Variants in EXOC6 observed in about 807,000 individuals in gnomAD.
EXOC6 encodes SEC15-like 1.
A neutral mutation model predicts 112.5 loss-of-function variants in EXOC6; 60 were observed. The ratio of observed to expected loss-of-function variants is 0.53; its 90% CI spans 0.43 to 0.66. The LOEUF is 0.66. EXOC6 is among the 30% of genes least tolerant of loss of function. The probability of loss-of-function intolerance (pLI) is 0.00; values close to 1 mark genes in which losing one functional copy is unlikely to be tolerated. For synonymous variants in EXOC6, 295 were observed against 308.0 expected (o/e 0.96, Z 0.44); for missense variants, 855 against 957.1 (o/e 0.89, Z 1.41).
chr10:93,052,134 G>C (rs574220820), intron 20 of EXOC6, among the ~76,000 whole-genome samples: 1 of 152,292 alleles, frequency 6.6e-6, no homozygotes, highest in East Asian at 1.9e-4. Context: ...AACAAAGAAA[G>C]CTAAATCAGA....
chr10:92,944,329 C>T (rs1175605245), intron 13 of EXOC6, among the ~76,000 whole-genome samples: 2 of 151,940 alleles, frequency 1.3e-5, no homozygotes, highest in African/African-American at 4.8e-5. Context: ...CTTCGCCTCC[C>T]AAGTTCAAGT....
At chr10:92,834,806 C>G (rs755388274) in exon 1 of EXOC6, 3 of 1,608,978 alleles carry the variant, frequency 1.9e-6, no homozygotes, top group Non-Finnish European at 2.6e-6. Flanking sequence ...TTCGAACTGC[C>G]TGTTGAAGCT....
intron 20 of EXOC6, among the ~76,000 whole-genome samples, chr10:93,039,524 A>G (rs905613024): frequency 4.6e-5 from 7 of 152,016 alleles, no homozygotes; most frequent in Non-Finnish European, 8.8e-5. Flanking sequence ...CATTCACCCC[A>G]TCCAAATAGA....
chr10:92,836,942 T>C lies in EXOC6; in HGVS notation c.86+2118T>C, dbSNP rs112174153. 8.6e-3 allele frequency among the ~76,000 whole-genome samples: 1,316 copies of C among 152,274 alleles called. 11 individuals carry two copies. Among genetic ancestry groups the C allele is most frequent in the Non-Finnish European group, 0.012 (833 of 68,018 alleles). ...CTTCTTTCTGCCTGCTAAAACCCAATGTATCTTGCAAGGCATAGCTCTAAT... is the reference window on the plus strand; with the variant it reads ...CTTCTTTCTGCCTGCTAAAACCCAACGTATCTTGCAAGGCATAGCTCTAAT... On this transcript the variant is annotated intron_variant, in intron 1 of 21. Coordinates refer to the EXOC6 transcript ENST00000371552.
chr10:92,968,294 C>G lies in EXOC6; in HGVS notation c.1774-5759C>G, dbSNP rs535296054. Among the ~76,000 whole-genome samples, 4 of 152,062 alleles carry G rather than the reference C, an allele frequency of 2.6e-5. No homozygotes were observed. In the East Asian group the frequency reaches 7.7e-4, roughly 29 times the overall value. ...CAAACTCCTGAGCTCAAGCGATCCT[C>G]CCACCTCAGCCTCCTGAGTAGCTAG... On this transcript the variant is annotated intron_variant, in intron 17 of 21. Coordinates refer to ENST00000260762, the MANE Select transcript of EXOC6 (RefSeq NM_019053.6).
At chr10:92,870,715 T>C (rs549058700) in intron 1 of EXOC6, among the ~76,000 whole-genome samples, 1 of 137,448 alleles carries the variant, frequency 7.3e-6, no homozygotes, top group African/African-American at 3.0e-5. Flanking sequence ...GGTGTTATCT[T>C]TTTTTTTTTT....
chr10:93,049,761 TC>T (rs1258996503), intron 20 of EXOC6, among the ~76,000 whole-genome samples: 2 of 152,146 alleles, frequency 1.3e-5, no homozygotes, highest in African/African-American at 4.8e-5. Flanking sequence ...TAATTGTATG[TC>T]GAAACAGGGT....
intron 14 of EXOC6, among the ~76,000 whole-genome samples, 179 bp downstream of exon 14, chr10:92,948,558 T>TACTACTACTACC (rs1853179060): frequency 7.5e-6 from 1 of 134,112 alleles, no homozygotes; most frequent in South Asian, 2.4e-4. Context: ...ATGTTATTAC[T>TACTACTACTACC]ACTACTACTA....
intron 8 of EXOC6, among the ~76,000 whole-genome samples, chr10:92,924,624 G>A (rs995943405): frequency 2.6e-5 from 4 of 152,166 alleles, no homozygotes; most frequent in Non-Finnish European, 4.4e-5. Context: ...AATTAATGGA[G>A]TTATGCCTGA....
At chr10:92,871,618 C>T (rs1848451953) in intron 1 of EXOC6, among the ~76,000 whole-genome samples, 1 of 151,718 alleles carries the variant, frequency 6.6e-6, no homozygotes, top group African/African-American at 2.4e-5. Context: ...ACCAGCCTGG[C>T]CAACGTGATG....
chr10:92,847,585 G>A (rs1847098902), upstream of EXOC6, among the ~76,000 whole-genome samples: 1 of 152,192 alleles, frequency 6.6e-6, no homozygotes, highest in African/African-American at 2.4e-5. Context: ...TTTCCATTCT[G>A]TTCCTGTTTA....
intron 1 of EXOC6, among the ~76,000 whole-genome samples, chr10:92,842,957 C>T (rs1482247172): frequency 2.0e-5 from 3 of 152,042 alleles, no homozygotes; most frequent in South Asian, 2.1e-4. Context: ...AAGGCAACTG[C>T]GTAGGTCACA....
intron 20 of EXOC6, among the ~76,000 whole-genome samples, chr10:93,047,876 G>A (rs545490343): frequency 5.3e-5 from 8 of 152,260 alleles, no homozygotes; most frequent in African/African-American, 1.7e-4. Flanking sequence ...AACCTGGGAG[G>A]CGGAGGTTGC....
At chr10:92,896,177 ATATATTTTTTTTTTTTT>A (rs1849803699) in intron 4 of EXOC6, among the ~76,000 whole-genome samples, 41 of 16,156 alleles carry the variant, frequency 2.5e-3, no homozygotes, top group Admixed American at 3.2e-3. Flanking sequence ...ATATATATAT[ATATATTTTTTTTTTTTT>A]TTTTTTTTTT....
At chr10:92,973,205 G>A (rs541763706) in intron 17 of EXOC6, among the ~76,000 whole-genome samples, 1 of 152,318 alleles carries the variant, frequency 6.6e-6, no homozygotes, top group East Asian at 1.9e-4. Context: ...ATAATTCTCT[G>A]AGAATGTGGC....
chr10:93,049,008 G>C (rs764638517), intron 20 of EXOC6, among the ~76,000 whole-genome samples: 29 of 151,366 alleles, frequency 1.9e-4, no homozygotes, highest in Non-Finnish European at 3.7e-4. Flanking sequence ...ATACCCAAGA[G>C]AAATGGAAAC....
At chr10:92,889,505 A>G (rs1849389791) in intron 1 of EXOC6, among the ~76,000 whole-genome samples, 2 of 152,070 alleles carry the variant, frequency 1.3e-5, no homozygotes, top group South Asian at 2.1e-4. Flanking sequence ...GTCTAGATTC[A>G]TTTCTTTGCA....
chr10:92,892,897 A>T (rs1849576970), intron 1 of EXOC6, among the ~76,000 whole-genome samples: 1 of 152,186 alleles, frequency 6.6e-6, no homozygotes, highest in African/African-American at 2.4e-5. Context: ...CTCTTCTGTA[A>T]AACAAGGGTA....
chr10:92,920,107 T>A, intron 8 of EXOC6, 57 bp downstream of exon 8: 1 of 1,110,160 alleles, frequency 9.0e-7, no homozygotes, highest in Admixed American at 2.7e-5. Flanking sequence ...AAGGCATGTA[T>A]GTATTTTAGG....
Sources: gnomAD v4.1 joint callset for allele counts (sites outside exome capture counted in the v4.1 genomes callset) on GRCh38, gnomAD v4.1.1 for gene constraint, MANE v1.5 for transcripts, NCBI Gene and HGNC (gene_info 2026-07-23, HGNC 2026-07-21) for gene names.